Variants in FNDC3B observed in about 807,000 individuals in gnomAD.
FNDC3B encodes fibronectin type III domain containing 3B.
A neutral mutation model predicts 151.5 loss-of-function variants in FNDC3B; 12 were observed. The ratio of observed to expected loss-of-function variants is 0.08; its 90% CI spans 0.05 to 0.13. The LOEUF (loss-of-function observed/expected upper bound fraction) is 0.13, where lower values mean the gene tolerates loss of function less well. FNDC3B is among the 10% of genes least tolerant of loss of function. The probability of loss-of-function intolerance (pLI) is 1.00; values close to 1 mark genes in which losing one functional copy is unlikely to be tolerated. For missense variants in FNDC3B, 1,214 were observed against 1,505.3 expected (o/e 0.81, Z 3.20); for synonymous variants, 528 against 549.0 (o/e 0.96, Z 0.54).
intron 3 of FNDC3B, among the ~76,000 whole-genome samples, chr3:172,168,033 T>C (rs560826079): frequency 1.5e-4 from 23 of 152,362 alleles, no homozygotes; most frequent in Non-Finnish European, 2.9e-4. Context: ...CTGGCAGCTG[T>C]TGTAATGCTA....
chr3:172,082,438 T>G (rs1217192344), intron 1 of FNDC3B, among the ~76,000 whole-genome samples: 2 of 152,216 alleles, frequency 1.3e-5, no homozygotes, highest in Non-Finnish European at 2.9e-5. Context: ...TCCAGATGTG[T>G]GACCAGCAAG....
intron 1 of FNDC3B, among the ~76,000 whole-genome samples, chr3:172,107,891 GA>G (rs62684461): frequency 0.18 from 27,166 of 150,868 alleles, 4,596 homozygotes; most frequent in African/African-American, 0.44. Context: ...AAAAGAGAAA[GA>G]AAAAAAAACA....
At chr3:172,237,114 G>A (rs1727207197) in intron 4 of FNDC3B, among the ~76,000 whole-genome samples, 1 of 152,222 alleles carries the variant, frequency 6.6e-6, no homozygotes, top group South Asian at 2.1e-4. Flanking sequence ...TTTTGAGAGT[G>A]TCTTCTTATA....
chr3:172,345,600 C>CT (rs1733572364), intron 19 of FNDC3B, among the ~76,000 whole-genome samples: 1 of 152,088 alleles, frequency 6.6e-6, no homozygotes, highest in Non-Finnish European at 1.5e-5. Context: ...TCCCCGCCGT[C>CT]TTTTTTCTCT....
At chr3:172,239,053 AT>A (rs202062580) in intron 4 of FNDC3B, among the ~76,000 whole-genome samples, 1,767 of 94,616 alleles carry the variant, frequency 0.019, 12 homozygotes, top group South Asian at 0.027. Flanking sequence ...TAATTAATTT[AT>A]TTTTTTTTTT....
intron 3 of FNDC3B, among the ~76,000 whole-genome samples, chr3:172,210,395 G>A (rs980223672): frequency 6.6e-6 from 1 of 152,038 alleles, no homozygotes; most frequent in Non-Finnish European, 1.5e-5. Flanking sequence ...TTTCACTCAG[G>A]TTGGGGTGCA....
chr3:172,245,653 T>C (rs896389367), intron 4 of FNDC3B, among the ~76,000 whole-genome samples: 5 of 151,966 alleles, frequency 3.3e-5, no homozygotes, highest in African/African-American at 1.2e-4. Flanking sequence ...ATGATAATTA[T>C]CAATACATGC....
Position 172,213,196 on chromosome 3 carries a change from A to G in FNDC3B, c.188-13675A>G, listed in dbSNP as rs181529035. On this transcript the variant is annotated intron_variant, in intron 3 of 25. Coordinates refer to ENST00000415807, the MANE Select transcript of FNDC3B (RefSeq NM_022763.4). ...AGTAACATTTCTGTGCAGACAGCCT[A>G]ACAGACCTGACCTCAGATCTGTGGC... 3.5e-4 allele frequency among the ~76,000 whole-genome samples: 54 copies of G among 152,288 alleles called. 1 individual carries two copies. Among genetic ancestry groups the G allele is most frequent in the African/African-American group, 1.3e-3 (53 of 41,558 alleles).
At position 172,340,135 on chromosome 3, in the gene FNDC3B, G is replaced by A. The variant is rs1733218961; in HGVS notation, c.1853-978G>A. ...GTGAGTCAGGCAGGCGGCTGAGGCA[G>A]CCCTGGGTGCCCTTGCTTCTGACGG... is the stretch of plus-strand genomic sequence containing the variant. On this transcript the variant is annotated intron_variant, in intron 16 of 25. Coordinates refer to ENST00000415807, the MANE Select transcript of FNDC3B (RefSeq NM_022763.4). Among the ~76,000 whole-genome samples the A allele has an allele frequency of 2.6e-5, 4 of 152,342 alleles. No homozygotes were observed. In the South Asian group the frequency reaches 6.2e-4, roughly 24 times the overall value.
At chr3:172,209,868 T>C (rs896592657) in intron 3 of FNDC3B, among the ~76,000 whole-genome samples, 2 of 152,268 alleles carry the variant, frequency 1.3e-5, no homozygotes, top group Non-Finnish European at 2.9e-5. Flanking sequence ...CTCCTTCCCA[T>C]GCTCGTTGGT....
intron 22 of FNDC3B, among the ~76,000 whole-genome samples, chr3:172,358,291 G>A (rs1734195533): frequency 6.6e-6 from 1 of 152,242 alleles, no homozygotes; most frequent in East Asian, 1.9e-4. Context: ...TTTAGATCAA[G>A]TTATTTAACC....
At chr3:172,199,440 A>C (rs748685579) in intron 3 of FNDC3B, among the ~76,000 whole-genome samples, 1 of 152,040 alleles carries the variant, frequency 6.6e-6, no homozygotes, top group Non-Finnish European at 1.5e-5. Context: ...CGGCCTCCCA[A>C]AGTGCTGGGA....
At chr3:172,155,379 G>A (rs1722432218) in intron 3 of FNDC3B, among the ~76,000 whole-genome samples, 1 of 152,224 alleles carries the variant, frequency 6.6e-6, no homozygotes, top group East Asian at 1.9e-4. Flanking sequence ...TTAGTTCCTG[G>A]TGTGTCAGTT....
In FNDC3B at chr3:172,330,607, G is replaced by A; in HGVS notation, c.1446G>A (p.Arg482=). 2 of 1,614,104 alleles carry A rather than the reference G, an allele frequency of 1.2e-6. No individual in the cohort carries two copies. The highest frequency in any genetic ancestry group is 1.7e-6 in the Non-Finnish European group (2 of 1,179,942). Residue 482 remains arginine (R), a synonymous_variant, in exon 13 of 26, where the codon AGG becomes AGA. Coordinates refer to ENST00000415807, the MANE Select transcript of FNDC3B (RefSeq NM_022763.4). ...GNIPQMPSAP[R]LVRAGITWVT... ...TCCCTCAGATGCCTTCTGCACCAAG[G>A]CTGGTTCGAGCTGGCATCACATGGG...
chr3:172,198,317 C>T (rs1006965000), intron 3 of FNDC3B, among the ~76,000 whole-genome samples: 1 of 152,154 alleles, frequency 6.6e-6, no homozygotes. Context: ...CTCTCCAAAA[C>T]TCTTAGTGGA....
At position 172,040,366 on chromosome 3, in the gene FNDC3B, G is replaced by C. The variant is rs937728018; in HGVS notation, c.-29+595G>C. On this transcript the variant is annotated intron_variant, in intron 1 of 25. Transcript: ENST00000415807. This position sits in a 1 kb window ranked among gnomAD's most constrained non-coding sequence, Gnocchi z 6.6. The stretch of plus-strand genomic sequence containing the variant: ...GCCTCGAACCCGGGGATGCTCGCGG[G>C]GAGGGTCCCGAGCCCGCGCCGGCCT... Among the ~76,000 whole-genome samples, 1 of 151,878 alleles carries C rather than the reference G, an allele frequency of 6.6e-6. No individual in the cohort carries two copies. The highest frequency in any genetic ancestry group is 1.5e-5 in the Non-Finnish European group (1 of 67,906).
intron 3 of FNDC3B, among the ~76,000 whole-genome samples, chr3:172,219,286 C>T (rs1726152340): frequency 6.6e-6 from 1 of 152,112 alleles, no homozygotes; most frequent in Admixed American, 6.5e-5. Context: ...AGACAATGCA[C>T]CTCTTGGCCT....
chr3:172,048,183 G>C (rs184586470), intron 1 of FNDC3B, among the ~76,000 whole-genome samples: 274 of 152,280 alleles, frequency 1.8e-3, no homozygotes, highest in African/African-American at 6.2e-3. Context: ...TTAGGGGTCA[G>C]ATTTGACCAG....
intron 8 of FNDC3B, among the ~76,000 whole-genome samples, chr3:172,297,742 C>T (rs4894541): frequency 6.6e-6 from 1 of 151,916 alleles, no homozygotes; most frequent in Non-Finnish European, 1.5e-5. Context: ...CCAAAGTGCT[C>T]GGATAACAGG....
Sources: gnomAD v4.1 joint callset for allele counts (sites outside exome capture counted in the v4.1 genomes callset) on GRCh38, gnomAD v4.1.1 for gene constraint, Gnocchi (gnomAD v3.1) non-coding constraint, MANE v1.5 for transcripts, NCBI Gene and HGNC (gene_info 2026-07-23, HGNC 2026-07-21) for gene names.